The following RASAL2 variants were observed in gnomAD, a reference collection of about 807,000 sequenced individuals.
RASAL2 encodes the protein ras GTPase-activating protein nGAP.
A neutral mutation model predicts 128.9 loss-of-function variants in RASAL2; 58 were observed. That is an observed-to-expected ratio of 0.45 (90% CI 0.36 to 0.56). RASAL2 has a LOEUF of 0.56. RASAL2 is among the 20% of genes least tolerant of loss of function. The pLI is 0.00. For synonymous variants in RASAL2, 561 were observed against 580.8 expected (o/e 0.97, Z 0.49); for missense variants, 1,360 against 1,601.6 (o/e 0.85, Z 2.57).
chr1:178,408,693 A>G (rs765622334), intron 4 of RASAL2, among the ~76,000 whole-genome samples: 1 of 151,538 alleles, frequency 6.6e-6, no homozygotes, highest in East Asian at 1.9e-4. Context: ...TTTATGATAC[A>G]TAATTCTATA....
intron 3 of RASAL2, among the ~76,000 whole-genome samples, chr1:178,389,560 A>G (rs1333354588): frequency 3.3e-5 from 5 of 152,308 alleles, no homozygotes; most frequent in African/African-American, 1.2e-4. Flanking sequence ...ATCTATTTTT[A>G]TATCTGCATA....
intron 3 of RASAL2, among the ~76,000 whole-genome samples, chr1:178,326,030 A>G (rs1207103171): frequency 6.6e-6 from 1 of 152,122 alleles, no homozygotes; most frequent in Non-Finnish European, 1.5e-5. Flanking sequence ...GTTTGATTCT[A>G]CATATAGCTA....
chr1:178,383,392 C>G (rs942604211), intron 3 of RASAL2, among the ~76,000 whole-genome samples: 2 of 152,150 alleles, frequency 1.3e-5, no homozygotes, highest in East Asian at 3.9e-4. Flanking sequence ...AAGTATCCTA[C>G]TGAAAATGGT....
chr1:178,105,304 A>G (rs1659047018), intron 1 of RASAL2, among the ~76,000 whole-genome samples: 1 of 152,240 alleles, frequency 6.6e-6, no homozygotes, highest in African/African-American at 2.4e-5. Flanking sequence ...TTTTATATAG[A>G]CCGTTAACAA....
chr1:178,453,798 A>G (rs1677565466), intron 11 of RASAL2, among the ~76,000 whole-genome samples: 1 of 152,182 alleles, frequency 6.6e-6, no homozygotes, highest in Admixed American at 6.5e-5. Flanking sequence ...TTAGCAATGT[A>G]TTGAAGAAAA....
intron 1 of RASAL2, among the ~76,000 whole-genome samples, chr1:178,250,323 G>A (rs1664984090): frequency 6.6e-6 from 1 of 152,218 alleles, no homozygotes; most frequent in Non-Finnish European, 1.5e-5. Flanking sequence ...CCACATTGCT[G>A]TGCTGTGTTG....
At chr1:178,174,604 GT>G (rs1661822371) in intron 1 of RASAL2, among the ~76,000 whole-genome samples, 1 of 152,096 alleles carries the variant, frequency 6.6e-6, no homozygotes, top group Non-Finnish European at 1.5e-5. Context: ...AGTTTAAACT[GT>G]TTCTAGACCA....
chr1:178,323,147 C>T (rs1214664274), intron 3 of RASAL2, among the ~76,000 whole-genome samples: 1 of 152,150 alleles, frequency 6.6e-6, no homozygotes. Flanking sequence ...TTTTGTACTT[C>T]TGATATTTGG....
chr1:178,136,960 A>G (rs1201238354), intron 1 of RASAL2, among the ~76,000 whole-genome samples: 1 of 151,988 alleles, frequency 6.6e-6, no homozygotes, highest in Non-Finnish European at 1.5e-5. Context: ...CTTTAATTAG[A>G]TGTAGTGGGG....
intron 9 of RASAL2, 96 bp from the exon 10 acceptor site, chr1:178,451,475 C>T: frequency 1.6e-6 from 2 of 1,288,032 alleles, no homozygotes; most frequent in Non-Finnish European, 1.0e-6. Context: ...AAAAGAATTC[C>T]CCATTATACG....
At chr1:178,147,881 C>CCAA in intron 1 of RASAL2, among the ~76,000 whole-genome samples, 1 of 151,930 alleles carries the variant, frequency 6.6e-6, no homozygotes, top group Non-Finnish European at 1.5e-5. Flanking sequence ...ACCAGGCTGG[C>CCAA]CAACATGGTG....
chr1:178,259,857 C>T (rs1210821487), intron 1 of RASAL2, among the ~76,000 whole-genome samples: 1 of 152,094 alleles, frequency 6.6e-6, no homozygotes, highest in Non-Finnish European at 1.5e-5. Flanking sequence ...GGTCACTCCC[C>T]CCTGCATGTT....
chr1:178,202,196 C>T lies in RASAL2; in HGVS notation c.203-81368C>T, dbSNP rs557568848. Among the ~76,000 whole-genome samples, 109 of 152,234 alleles carry T rather than the reference C, an allele frequency of 7.2e-4. No individual in the cohort carries two copies. In the South Asian group the frequency reaches 0.02, roughly 28 times the overall value. On this transcript the variant is annotated intron_variant, in intron 1 of 17. Transcript: ENST00000367649. ...CTCAGGTTTGACTTACAGTATCCATCGTCAAATGGAAGTGGTATATACATG... is the reference window on the plus strand; with the variant it reads ...CTCAGGTTTGACTTACAGTATCCATTGTCAAATGGAAGTGGTATATACATG...
At chr1:178,447,085 A>G (rs902875672) in intron 9 of RASAL2, among the ~76,000 whole-genome samples, 7 of 152,324 alleles carry the variant, frequency 4.6e-5, no homozygotes, top group African/African-American at 1.7e-4. Context: ...TGAAGATTTA[A>G]AGTTTACAGT....
At chr1:178,303,673 A>G (rs1667866674) in intron 3 of RASAL2, among the ~76,000 whole-genome samples, 1 of 152,120 alleles carries the variant, frequency 6.6e-6, no homozygotes, top group Non-Finnish European at 1.5e-5. Flanking sequence ...GTCAATCAGT[A>G]CATCATTAAG....
At chr1:178,221,468 T>C (rs932104703) in intron 1 of RASAL2, among the ~76,000 whole-genome samples, 1 of 152,164 alleles carries the variant, frequency 6.6e-6, no homozygotes, top group African/African-American at 2.4e-5. Context: ...TATATCATCA[T>C]TTTTACTTAG....
chr1:178,131,568 G>A (rs316265), intron 1 of RASAL2, among the ~76,000 whole-genome samples: 140,653 of 151,856 alleles, frequency 0.93, 65,532 homozygotes, highest in Non-Finnish European at 0.98. Flanking sequence ...GTATACACCA[G>A]ACCTAATTTA....
Position 178,184,403 on chromosome 1 carries a change from A to T in RASAL2, c.202+89709A>T, listed in dbSNP as rs369388364. Among the ~76,000 whole-genome samples the T allele has an allele frequency of 1.7e-4, 23 of 138,332 alleles. No homozygotes were observed. The South Asian group carries it at 4.7e-3, about 29-fold the overall frequency. The allele number at this position is 138,332 out of a possible 152,430, so 90.8% of individuals were successfully genotyped here. On this transcript the variant is annotated intron_variant, in intron 1 of 17. Transcript: ENST00000367649. ...TATAATTTTTCCTGTTTTTTTTTTT[A>T]AAGAAGTTTTATACTTTTACATTTT...
chr1:178,119,363 G>T (rs1173334927), intron 1 of RASAL2, among the ~76,000 whole-genome samples: 2 of 152,168 alleles, frequency 1.3e-5, no homozygotes, highest in African/African-American at 4.8e-5. Context: ...CCAGAGTTGC[G>T]TGAACAGGCG....
Sources: gnomAD v4.1 joint callset for allele counts (sites outside exome capture counted in the v4.1 genomes callset) on GRCh38, gnomAD v4.1.1 for gene constraint, MANE v1.5 for transcripts, NCBI Gene and HGNC (gene_info 2026-07-23, HGNC 2026-07-21) for gene names.